PRSS23: variants seen among roughly 807,000 people sequenced by gnomAD.
The protein encoded by PRSS23 is protease, serine 23.
In PRSS23, 25 loss-of-function variants were observed where a neutral mutation model predicts 34.7. That is an observed-to-expected ratio of 0.72 (90% CI 0.53 to 1.01). The LOEUF is 1.01. Among genes scored for constraint, PRSS23 ranks in the 50% least tolerant of loss-of-function variants. The probability of loss-of-function intolerance (pLI) is 0.00; values close to 1 mark genes in which losing one functional copy is unlikely to be tolerated. For missense variants in PRSS23, 445 were observed against 475.6 expected (o/e 0.94, Z 0.60); for synonymous variants, 176 against 186.6 (o/e 0.94, Z 0.46).
At chr11:86,893,506 A>T (rs774682183) in intron 2 of PRSS23, among the ~76,000 whole-genome samples, 4 of 152,208 alleles carry the variant, frequency 2.6e-5, no homozygotes, top group Non-Finnish European at 5.9e-5. Context: ...CTCATTAAGG[A>T]TGAATGATGA....
chr11:86,944,512 C>T (rs376458403), intron 2 of PRSS23, among the ~76,000 whole-genome samples: 30 of 152,184 alleles, frequency 2.0e-4, no homozygotes, highest in African/African-American at 6.0e-4. Context: ...GCTGACCAAC[C>T]TTCTCCAACC....
chr11:86,797,099 T>C (rs1294335320), upstream of PRSS23, among the ~76,000 whole-genome samples: 1 of 152,258 alleles, frequency 6.6e-6, no homozygotes, highest in Non-Finnish European at 1.5e-5. Flanking sequence ...TCAGAAAATG[T>C]GTGGGCTTTG....
chr11:86,832,377 C>G (rs1269980495), intron 2 of PRSS23, among the ~76,000 whole-genome samples: 1 of 152,108 alleles, frequency 6.6e-6, no homozygotes, highest in African/African-American at 2.4e-5. Context: ...TGTGTGTACA[C>G]TCTGTGATAG....
At chr11:86,898,764 G>A (rs1460078779) in intron 2 of PRSS23, among the ~76,000 whole-genome samples, 3 of 152,290 alleles carry the variant, frequency 2.0e-5, no homozygotes, top group Admixed American at 6.5e-5. Flanking sequence ...AATTGCATGC[G>A]GTGTGCATAT....
chr11:86,826,478 C>T (rs990661147), intron 2 of PRSS23, among the ~76,000 whole-genome samples: 4 of 152,152 alleles, frequency 2.6e-5, no homozygotes, highest in Non-Finnish European at 5.9e-5. Flanking sequence ...ATTGAATACC[C>T]TTTATTTCCT....
At chr11:86,879,497 TGGGGGGA>T (rs2134958856) in intron 2 of PRSS23, among the ~76,000 whole-genome samples, 1 of 111,884 alleles carries the variant, frequency 8.9e-6, no homozygotes, top group South Asian at 3.2e-4. Flanking sequence ...GGGAGGGAGG[TGGGGGGA>T]TCAGCCCCCC....
chr11:86,866,281 A>T (rs906768437), intron 2 of PRSS23, among the ~76,000 whole-genome samples: 1 of 152,276 alleles, frequency 6.6e-6, no homozygotes, highest in East Asian at 1.9e-4. Context: ...AGAGAAGTAC[A>T]TGACAAGAGA....
chr11:86,817,018 A>G (rs1044833290), intron 1 of PRSS23, among the ~76,000 whole-genome samples: 1 of 152,252 alleles, frequency 6.6e-6, no homozygotes, highest in African/African-American at 2.4e-5. Context: ...AAACATGATC[A>G]TGCTTGAGTC....
intron 2 of PRSS23, among the ~76,000 whole-genome samples, chr11:86,901,847 T>C (rs1197954410): frequency 3.3e-5 from 5 of 152,160 alleles, no homozygotes; most frequent in African/African-American, 1.2e-4. Context: ...GTCATTCCTT[T>C]GGTTTTCCAC....
Position 86,949,213 on chromosome 11 carries a change from C to T in PRSS23, c.207-2003C>T, listed in dbSNP as rs1004647123. 8.5e-5 allele frequency: 13 copies of T among 152,066 alleles called. 1 individual carries two copies. The highest frequency in any genetic ancestry group is 2.7e-4 in the African/African-American group (11 of 41,408). 9.4% of individuals were successfully genotyped at this position (152,066 alleles called of 1,614,324 possible). A position where few individuals can be genotyped will look rare whatever the true frequency, so the allele number is the denominator to read the frequency against. ...TTTGCCTTCCAAAACATACAATCGACTTTACATGCATCTTGATGTCAGAGA... is the reference window on the plus strand; with the variant it reads ...TTTGCCTTCCAAAACATACAATCGATTTTACATGCATCTTGATGTCAGAGA... On this transcript the variant is annotated intron_variant, in intron 2 of 2. Coordinates refer to the PRSS23 transcript ENST00000533902.
At chr11:86,930,007 G>A (rs887368967) in intron 2 of PRSS23, among the ~76,000 whole-genome samples, 3 of 151,848 alleles carry the variant, frequency 2.0e-5, no homozygotes, top group African/African-American at 7.3e-5. Flanking sequence ...AACACTAATA[G>A]TATTCATAAT....
intron 2 of PRSS23, among the ~76,000 whole-genome samples, chr11:86,928,553 T>C (rs1226913916): frequency 6.8e-6 from 1 of 147,638 alleles, no homozygotes; most frequent in Non-Finnish European, 1.5e-5. Context: ...CAGACACCTA[T>C]AGTCCCAGCT....
chr11:86,943,766 CAG>C (rs1304064246), intron 2 of PRSS23, among the ~76,000 whole-genome samples: 1 of 152,040 alleles, frequency 6.6e-6, no homozygotes, highest in Admixed American at 6.5e-5. Context: ...TTATTTGGGA[CAG>C]AGTGTTGCTG....
chr11:86,940,933 G>A (rs544863255), intron 2 of PRSS23: 2 of 152,334 alleles, frequency 1.3e-5, no homozygotes, highest in East Asian at 3.9e-4. Context: ...CTACATAAAC[G>A]ACCTACTGGG....
At position 86,857,754 on chromosome 11, in the gene PRSS23, C is replaced by A. The variant is rs556183533; in HGVS notation, c.206+34161C>A. ...CCGCATAAGAGATGACTCTGCTATG[C>A]GACTGCATGTCCACAATCATCTTGG... On this transcript the variant is annotated intron_variant, in intron 2 of 2. Transcript: ENST00000533902. 53 of 1,025,324 alleles carry A rather than the reference C, an allele frequency of 5.2e-5. No individual in the cohort carries two copies. The African/African-American group carries it at 7.9e-4, about 15-fold the overall frequency. The allele number at this position is 1,025,324 out of a possible 1,614,324, so 63.5% of individuals were successfully genotyped here. A position where few individuals can be genotyped will look rare whatever the true frequency, so the allele number is the denominator to read the frequency against.
chr11:86,834,853 T>G (rs1948392411), intron 2 of PRSS23, among the ~76,000 whole-genome samples: 1 of 152,210 alleles, frequency 6.6e-6, no homozygotes, highest in African/African-American at 2.4e-5. Context: ...TTCTGCCAGC[T>G]GAACAGTAGT....
At chr11:86,870,174 A>C (rs370444694) in intron 2 of PRSS23, among the ~76,000 whole-genome samples, 3 of 152,116 alleles carry the variant, frequency 2.0e-5, no homozygotes, top group Non-Finnish European at 4.4e-5. Context: ...CTTGGATGGA[A>C]CTAGCATCCC....
chr11:86,934,998 T>A (rs956295338), intron 2 of PRSS23: 4 of 152,236 alleles, frequency 2.6e-5, no homozygotes, highest in Non-Finnish European at 5.9e-5. Context: ...TACACATACA[T>A]AAAATCCTTA....
intron 2 of PRSS23, among the ~76,000 whole-genome samples, chr11:86,873,387 G>A (rs1948700336): frequency 6.6e-6 from 1 of 151,502 alleles, no homozygotes; most frequent in Non-Finnish European, 1.5e-5. Context: ...CTGCCTCCCA[G>A]GTTCAAGTGA....
Sources: gnomAD v4.1 joint callset for allele counts (sites outside exome capture counted in the v4.1 genomes callset) on GRCh38, gnomAD v4.1.1 for gene constraint, MANE v1.5 for transcripts, NCBI Gene and HGNC (gene_info 2026-07-23, HGNC 2026-07-21) for gene names.